Variants in FRYL observed in about 807,000 individuals in gnomAD.
The protein encoded by FRYL is protein furry homolog-like.
In FRYL, 150 loss-of-function variants were observed where a neutral mutation model predicts 351.2. The ratio of observed to expected loss-of-function variants is 0.43; its 90% CI spans 0.37 to 0.49. The LOEUF is 0.49. FRYL is among the 20% of genes least tolerant of loss of function. FRYL has a pLI of 0.00. For synonymous variants in FRYL, 1,153 were observed against 1,257.1 expected, an observed-to-expected ratio of 0.92 and a Z score of 1.75; for missense variants, 3,036 against 3,619.3, an observed-to-expected ratio of 0.84 and a Z score of 4.13.
chr4:48,733,296 GA>G (rs1019405701), intron 1 of FRYL, among the ~76,000 whole-genome samples: 42 of 135,824 alleles, frequency 3.1e-4, no homozygotes, highest in East Asian at 2.8e-3. Context: ...AAAATAATGA[GA>G]AAAAAAAAAA....
intron 2 of FRYL, among the ~76,000 whole-genome samples, chr4:48,702,777 G>GAAAA (rs1560881186): frequency 2.1e-5 from 3 of 142,116 alleles, no homozygotes; most frequent in Non-Finnish European, 4.6e-5. Flanking sequence ...AAAAAAAAAA[G>GAAAA]AAAAAGAAAG....
rs111245945 is a variant in FRYL at position 48,677,599 on chromosome 4, C to T, written c.-81+7074G>A. Among the ~76,000 whole-genome samples the T allele has an allele frequency of 9.3e-3, 1,414 of 152,044 alleles. 12 individuals are homozygous for T. The highest frequency in any genetic ancestry group is 0.051 in the East Asian group (263 of 5,164). Reference sequence around the variant, plus strand: ...CTAATTTTTGTATTTTTAATAGAGACGGGGTTTTGCCATGTTGGCCAGACT... The same window carrying T: ...CTAATTTTTGTATTTTTAATAGAGATGGGGTTTTGCCATGTTGGCCAGACT... On this transcript the variant is annotated intron_variant, in intron 3 of 63. Transcript: ENST00000358350.
At chr4:48,748,437 A>C (rs1313829141) in intron 1 of FRYL, among the ~76,000 whole-genome samples, 3 of 152,130 alleles carry the variant, frequency 2.0e-5, no homozygotes, top group Admixed American at 2.0e-4. Flanking sequence ...AGCAAAGATA[A>C]AAAGTGCAGG....
chr4:48,535,586 T>TACACAA, intron 48 of FRYL, 71 bp downstream of exon 48: 1 of 456,872 alleles, frequency 2.2e-6, no homozygotes, highest in Non-Finnish European at 3.7e-6. Context: ...TATATACACA[T>TACACAA]ACACACACAC....
At position 48,562,367 on chromosome 4, in the gene FRYL, A is replaced by G. The variant is rs73134344; in HGVS notation, c.3696+522T>C. Among the ~76,000 whole-genome samples, 144 of 152,282 alleles carry G rather than the reference A, an allele frequency of 9.5e-4. 1 individual carries two copies. The highest frequency in any genetic ancestry group is 3.4e-3 in the African/African-American group (140 of 41,552). ...TTCAGAGCCTTTGGAAAAAGCACCTACTTGAATCCTATTCTTAGCCCTTGG... is the reference window on the plus strand; with the variant it reads ...TTCAGAGCCTTTGGAAAAAGCACCTGCTTGAATCCTATTCTTAGCCCTTGG... On this transcript the variant is annotated intron_variant, in intron 32 of 63. Coordinates refer to ENST00000358350, the MANE Select transcript of FRYL (RefSeq NM_015030.2).
At chr4:48,726,826 G>C (rs867965307) in intron 1 of FRYL, among the ~76,000 whole-genome samples, 15 of 152,324 alleles carry the variant, frequency 9.8e-5, no homozygotes, top group Middle Eastern at 6.8e-3. Flanking sequence ...GTACAAACTT[G>C]ATATGAGTGA....
intron 1 of FRYL, among the ~76,000 whole-genome samples, chr4:48,719,018 T>TGGTC (rs1769177580): frequency 6.6e-6 from 1 of 151,440 alleles, no homozygotes; most frequent in Admixed American, 6.6e-5. Flanking sequence ...GAATTCCGAG[T>TGGTC]GGTCACTCTA....
At position 48,565,520 on chromosome 4, in the gene FRYL, T is replaced by A. The variant is rs771641009; in HGVS notation, c.3330+11A>T. On this transcript the variant is annotated intron_variant, in intron 29 of 63. Transcript: ENST00000358350. ...CTTAAGAAAAAAGAAATCAGGTTTCTAAGTAAATACCTTTAACGCACAGTA... is the reference window on the plus strand; with the variant it reads ...CTTAAGAAAAAAGAAATCAGGTTTCAAAGTAAATACCTTTAACGCACAGTA... 1 of 1,531,760 alleles carries A rather than the reference T, an allele frequency of 6.5e-7. No individual in the cohort carries two copies. The highest frequency in any genetic ancestry group is 8.7e-7 in the Non-Finnish European group (1 of 1,143,050). The allele number at this position is 1,531,760 out of a possible 1,614,324, so 94.9% of individuals were successfully genotyped here. A position where few individuals can be genotyped will look rare whatever the true frequency, so the allele number is the denominator to read the frequency against.
At chr4:48,515,675 TTTA>T (rs1342482279) in intron 55 of FRYL, among the ~76,000 whole-genome samples, 1 of 152,146 alleles carries the variant, frequency 6.6e-6, no homozygotes, top group East Asian at 1.9e-4. Context: ...CCCGGCCACT[TTTA>T]TAGTTTTTGA....
chr4:48,728,691 G>A (rs1407827210), intron 1 of FRYL, among the ~76,000 whole-genome samples: 1 of 152,154 alleles, frequency 6.6e-6, no homozygotes, highest in Non-Finnish European at 1.5e-5. Context: ...GAAGAACAAA[G>A]ATAAGATTTA....
chr4:48,534,519 T>C, intron 49 of FRYL, 26 bp downstream of exon 49: 1 of 1,554,088 alleles, frequency 6.4e-7, no homozygotes, highest in African/African-American at 1.4e-5. Context: ...TGAAAAATGT[T>C]ATATGTAAGT....
intron 13 of FRYL, among the ~76,000 whole-genome samples, chr4:48,596,330 C>A (rs1744581072): frequency 6.6e-6 from 1 of 152,092 alleles, no homozygotes; most frequent in African/African-American, 2.4e-5. Context: ...CCAATACTGA[C>A]ATAATGACTG....
At chr4:48,711,060 A>G (rs1767940338) in intron 1 of FRYL, among the ~76,000 whole-genome samples, 2 of 152,252 alleles carry the variant, frequency 1.3e-5, no homozygotes, top group Non-Finnish European at 2.9e-5. Flanking sequence ...GAATCCTAAA[A>G]AAAACATTAT....
intron 42 of FRYL, among the ~76,000 whole-genome samples, chr4:48,545,842 T>G (rs753906366): frequency 9.9e-5 from 15 of 152,240 alleles, no homozygotes; most frequent in Non-Finnish European, 5.9e-5. Context: ...ACTCATTCTC[T>G]TTGGCCATTA....
intron 1 of FRYL, among the ~76,000 whole-genome samples, chr4:48,731,387 C>A (rs1770707426): frequency 1.3e-5 from 2 of 152,260 alleles, no homozygotes; most frequent in Admixed American, 1.3e-4. Flanking sequence ...TCCATGCTAT[C>A]CCCATCAAGC....
At chr4:48,616,220 TAA>T (rs771644187) in intron 7 of FRYL, among the ~76,000 whole-genome samples, 1 of 139,334 alleles carries the variant, frequency 7.2e-6, no homozygotes, top group African/African-American at 2.6e-5. Context: ...AGTATAATAA[TAA>T]AAAAAAAAAT....
At chr4:48,704,187 G>A (rs1452338280) in intron 2 of FRYL, among the ~76,000 whole-genome samples, 1 of 151,950 alleles carries the variant, frequency 6.6e-6, no homozygotes. Context: ...AAAGACAAGA[G>A]ATTGGTATTT....
chr4:48,509,548 T>C (rs569530272), intron 59 of FRYL, among the ~76,000 whole-genome samples: 1 of 152,340 alleles, frequency 6.6e-6, no homozygotes, highest in Non-Finnish European at 1.5e-5. Context: ...TCCCTCCCAA[T>C]TGAAAATGTG....
At chr4:48,684,046 C>T (rs1764924042) in intron 3 of FRYL, among the ~76,000 whole-genome samples, 1 of 152,128 alleles carries the variant, frequency 6.6e-6, no homozygotes, top group African/African-American at 2.4e-5. Context: ...TCACTGTTAA[C>T]CTCACCATTC....
Sources: gnomAD v4.1 joint callset for allele counts (sites outside exome capture counted in the v4.1 genomes callset) on GRCh38, gnomAD v4.1.1 for gene constraint, MANE v1.5 for transcripts, NCBI Gene and HGNC (gene_info 2026-07-23, HGNC 2026-07-21) for gene names.